The following DNAH5 variants were observed in gnomAD, a reference collection of about 807,000 sequenced individuals.
DNAH5 encodes axonemal beta dynein heavy chain 5.
DNAH5 carries 372 observed loss-of-function variants against 518.2 expected under a neutral mutation model. The ratio of observed to expected loss-of-function variants is 0.72; its 90% CI spans 0.66 to 0.78. The LOEUF is 0.78. Ranked by LOEUF, DNAH5 falls within the 30% of genes least tolerant of loss-of-function variation. The pLI is 0.00. For missense variants in DNAH5, 5,523 were observed against 5,687.0 expected (o/e 0.97, Z 0.93); for synonymous variants, 2,039 against 2,025.9 (o/e 1.01, Z -0.17).
At chr5:13,823,209 A>G (rs1264602935) in intron 40 of DNAH5, 54 bp downstream of exon 40, 4 of 1,219,336 alleles carry the variant, frequency 3.3e-6, no homozygotes, top group Non-Finnish European at 3.7e-6. Flanking sequence ...CTTTATTCCC[A>G]TTAAATTCAG....
At chr5:13,858,433 G>A (rs1416546319) in intron 30 of DNAH5, among the ~76,000 whole-genome samples, 1 of 152,150 alleles carries the variant, frequency 6.6e-6, no homozygotes, top group East Asian at 1.9e-4. Flanking sequence ...TGTGGGGCAA[G>A]GGGAGGGATA....
upstream of DNAH5, among the ~76,000 whole-genome samples, chr5:13,949,594 G>C (rs1780214452): frequency 6.6e-6 from 1 of 152,196 alleles, no homozygotes; most frequent in African/African-American, 2.4e-5. Flanking sequence ...AACTCCAGAG[G>C]AGGACACAGA....
chr5:13,963,235 A>G (rs1022518832), intron 1 of DNAH5, among the ~76,000 whole-genome samples: 1 of 152,150 alleles, frequency 6.6e-6, no homozygotes, highest in Non-Finnish European at 1.5e-5. Context: ...AACAAAACAG[A>G]GCATATGGTC....
At chr5:13,904,424 T>C (rs1353354585) in intron 12 of DNAH5, among the ~76,000 whole-genome samples, 2 of 148,474 alleles carry the variant, frequency 1.3e-5, no homozygotes, top group African/African-American at 4.9e-5. Context: ...TATAGATATA[T>C]GGATTTTATA....
intron 1 of DNAH5, among the ~76,000 whole-genome samples, chr5:13,933,182 A>C (rs1396969434): frequency 6.6e-6 from 1 of 152,228 alleles, no homozygotes; most frequent in Non-Finnish European, 1.5e-5. Context: ...ACATAGGCAC[A>C]TATAGACATA....
At chr5:13,892,261 T>C (rs1472059307) in intron 16 of DNAH5, among the ~76,000 whole-genome samples, 1 of 152,204 alleles carries the variant, frequency 6.6e-6, no homozygotes, top group Non-Finnish European at 1.5e-5. Context: ...TGCTTCTTCA[T>C]CTTTAAGGAC....
chr5:13,713,462 TATATAC>T lies in DNAH5; in HGVS notation c.13125+937_13125+942del, dbSNP rs1481919700. ...ATATATATATATATATATATATATA[TATATAC>T]ACACACCGATATATATATATATATG... On this transcript the variant is annotated intron_variant, in intron 75 of 78. Coordinates refer to ENST00000265104, the MANE Select transcript of DNAH5 (RefSeq NM_001369.3). 5.8e-3 allele frequency among the ~76,000 whole-genome samples: 732 copies of T among 125,778 alleles called. 17 individuals are homozygous for T. Among genetic ancestry groups the T allele is most frequent in the East Asian group, 0.013 (52 of 4,000 alleles). 82.5% of individuals were successfully genotyped at this position (125,778 alleles called of 152,430 possible).
intron 58 of DNAH5, 25 bp from the exon 59 acceptor site, chr5:13,766,204 C>T (rs764004764): frequency 6.2e-7 from 1 of 1,612,930 alleles, no homozygotes; most frequent in Admixed American, 1.7e-5. Flanking sequence ...GAACGATCAC[C>T]CAACCACAGA....
At position 13,777,053 on chromosome 5, in the gene DNAH5, C is replaced by T. The variant is rs537844517; in HGVS notation, c.9105+149G>A. On this transcript the variant is annotated intron_variant, in intron 54 of 78. Transcript: ENST00000265104. ...ATGGAGAGTTTTATTCTTCAAAAACCCAATAGAAAAACCCATCCTTCATAC... is the reference window on the plus strand; with the variant it reads ...ATGGAGAGTTTTATTCTTCAAAAACTCAATAGAAAAACCCATCCTTCATAC... 145 of 770,088 alleles carry T rather than the reference C, an allele frequency of 1.9e-4. No individual in the cohort carries two copies. The African/African-American group carries it at 2.5e-3, about 13-fold the overall frequency. The allele number at this position is 770,088 out of a possible 1,614,324, so 47.7% of individuals were successfully genotyped here.
At chr5:13,724,562 T>C (rs1745469595) in intron 70 of DNAH5, among the ~76,000 whole-genome samples, 1 of 152,122 alleles carries the variant, frequency 6.6e-6, no homozygotes, top group African/African-American at 2.4e-5. Flanking sequence ...GACATGGGAT[T>C]TGAGGGGCCA....
In DNAH5 at chr5:13,825,585, C is replaced by T. The variant is rs187231607; in HGVS notation, c.6445-1252G>A. 3.8e-3 allele frequency among the ~76,000 whole-genome samples: 575 copies of T among 152,184 alleles called. 2 individuals are homozygous for T. The highest frequency in any genetic ancestry group is 5.8e-3 in the Admixed American group (89 of 15,282). On this transcript the variant is annotated intron_variant, in intron 38 of 78. Coordinates refer to ENST00000265104, the MANE Select transcript of DNAH5 (RefSeq NM_001369.3). ...ACATGAATGAACCTTGAGGACATTACACTAAGTAAAATATGGCAGTCACAA... is the reference window on the plus strand; with the variant it reads ...ACATGAATGAACCTTGAGGACATTATACTAAGTAAAATATGGCAGTCACAA...
intron 23 of DNAH5, among the ~76,000 whole-genome samples, 172 bp downstream of exon 23, chr5:13,871,392 T>C (rs1415534425): frequency 1.3e-5 from 2 of 152,128 alleles, no homozygotes; most frequent in African/African-American, 4.8e-5. Context: ...TAGTCCAGAA[T>C]CAATAATTAT....
At chr5:14,001,919 A>G (rs1784380089) in intron 1 of DNAH5, among the ~76,000 whole-genome samples, 1 of 149,836 alleles carries the variant, frequency 6.7e-6, no homozygotes, top group African/African-American at 2.5e-5. Flanking sequence ...TTTTTTTTTT[A>G]GACAGCGTCT....
In DNAH5 at chr5:13,770,763, C is replaced by G; in HGVS notation, c.9591G>C (p.Arg3197=). Residue 3197 remains arginine, a synonymous_variant, in exon 56 of 79, where the codon CGG becomes CGC. Transcript: ENST00000265104. Reference sequence around the variant, plus strand: ...ATCACACTTACCTGTTGGCCAGGGTCCGCACCTCCACATGCTTTTCTCCAT... The same window carrying G: ...ATCACACTTACCTGTTGGCCAGGGTGCGCACCTCCACATGCTTTTCTCCAT... The part of the protein sequence containing the change: ...FIYGEKHVEV[R]TLANRMNTGL... 1.2e-6 allele frequency: 2 copies of G among 1,613,972 alleles called. No individual in the cohort carries two copies. The highest frequency in any genetic ancestry group is 1.7e-6 in the Non-Finnish European group (2 of 1,179,914).
Position 13,810,269 on chromosome 5 carries a change from G to A in DNAH5, c.7408-9C>T, listed in dbSNP as rs1580363639. 1 of 1,549,838 alleles carries A rather than the reference G, an allele frequency of 6.5e-7. No homozygotes were observed. Among genetic ancestry groups the A allele is most frequent in the Non-Finnish European group, 8.7e-7 (1 of 1,146,452 alleles). ...ACCTCCCCGCCTTGCTCCTGAGAAG[G>A]AAAGACACTTTTTTTTAATAACTTG... On this transcript the variant is annotated splice_polypyrimidine_tract_variant and intron_variant, in intron 44 of 78. Coordinates refer to ENST00000265104, the MANE Select transcript of DNAH5 (RefSeq NM_001369.3).
At chr5:13,741,034 T>C (rs1434720467) in intron 65 of DNAH5, among the ~76,000 whole-genome samples, 1 of 152,192 alleles carries the variant, frequency 6.6e-6, no homozygotes, top group East Asian at 1.9e-4. Flanking sequence ...GATTGAATGA[T>C]TAAATGTTGC....
chr5:13,737,133 A>G, intron 66 of DNAH5, 119 bp downstream of exon 66: 1 of 1,512,238 alleles, frequency 6.6e-7, no homozygotes. Context: ...AAATTCCACA[A>G]AACACCTCCA....
At chr5:13,954,225 G>T (rs951133413) in intron 1 of DNAH5, among the ~76,000 whole-genome samples, 11 of 152,106 alleles carry the variant, frequency 7.2e-5, no homozygotes, top group African/African-American at 2.4e-4. Context: ...TACCCTGCAC[G>T]ATGTTATTCA....
Position 13,810,080 on chromosome 5 carries a change from C to T in DNAH5, c.7588G>A (p.Asp2530Asn), listed in dbSNP as rs1299671239. The T allele has an allele frequency of 1.9e-6, 3 of 1,552,602 alleles. No individual in the cohort carries two copies. Among genetic ancestry groups the T allele is most frequent in the African/African-American group, 1.4e-5 (1 of 73,180 alleles). ...PPAGPGDTAF[D>N]YYVAPDGTWT... is the part of the protein sequence containing the mutation. Reference sequence around the variant, plus strand: ...TCACCATCGGGCGCCACATAGTAGTCGAAGGCGGTGTCCCCGGGCCCCGCT... The same window carrying T: ...TCACCATCGGGCGCCACATAGTAGTTGAAGGCGGTGTCCCCGGGCCCCGCT... Residue 2530 changes from aspartate to asparagine, a missense_variant, in exon 45 of 79, where the codon GAC (aspartate) becomes AAC (asparagine). Asp to Asn is a conservative substitution (Grantham distance 23). Around this residue, in one of 3 missense-constraint regions of DNAH5, gnomAD observed 5,121 missense variants for 5,223.3 expected, o/e 0.98. Transcript: ENST00000265104.
Sources: allele counts gnomAD v4.1 joint callset (sites outside exome capture counted in the v4.1 genomes callset), GRCh38; gene constraint gnomAD v4.1.1; regional missense constraint gnomAD v4.1.1; transcripts MANE v1.5; gene names NCBI Gene and HGNC (gene_info 2026-07-23, HGNC 2026-07-21).